KIZ: variants seen among roughly 807,000 people sequenced by gnomAD.
The protein encoded by KIZ is kizuna centrosomal protein.
Under a neutral mutation model 79.6 loss-of-function variants are expected in KIZ, and 68 were observed. The observed-to-expected ratio is 0.85, with a 90% CI of 0.70 to 1.05. The LOEUF (loss-of-function observed/expected upper bound fraction) is 1.05. Among genes scored for constraint, KIZ ranks in the 50% least tolerant of loss-of-function variants. KIZ has a pLI of 0.00. For synonymous variants in KIZ, 280 were observed against 281.8 expected, an observed-to-expected ratio of 0.99 and a Z score of 0.06; for missense variants, 797 against 800.4, an observed-to-expected ratio of 1.00 and a Z score of 0.05.
chr20:21,201,226 G>T (rs2035585575), intron 6 of KIZ, among the ~76,000 whole-genome samples: 1 of 151,984 alleles, frequency 6.6e-6, no homozygotes, highest in Non-Finnish European at 1.5e-5. Context: ...ATTATCATGT[G>T]GAAGACCAAG....
chr20:21,136,153 T>TA (rs1378666367), intron 2 of KIZ, among the ~76,000 whole-genome samples: 1 of 152,178 alleles, frequency 6.6e-6, no homozygotes, highest in Non-Finnish European at 1.5e-5. Context: ...AATGTGGTCT[T>TA]ATATATATTT....
At chr20:21,161,379 T>C (rs1384266520) in intron 4 of KIZ, among the ~76,000 whole-genome samples, 1 of 152,228 alleles carries the variant, frequency 6.6e-6, no homozygotes. Flanking sequence ...GTCTCCAGGC[T>C]GGAGTGCAGT....
At chr20:21,135,865 A>T (rs888133937) in intron 2 of KIZ, among the ~76,000 whole-genome samples, 2 of 152,220 alleles carry the variant, frequency 1.3e-5, no homozygotes, top group Non-Finnish European at 2.9e-5. Context: ...ATATTTTAAT[A>T]GTGAATTATA....
intron 12 of KIZ, chr20:21,244,549 C>T: frequency 2.0e-6 from 1 of 498,310 alleles, no homozygotes; most frequent in Non-Finnish European, 3.5e-6. Context: ...TCCTGGCCTC[C>T]ATGTCTAATT....
intron 9 of KIZ, among the ~76,000 whole-genome samples, chr20:21,225,166 CCCTTG>C (rs140361931): frequency 0.021 from 3,264 of 152,226 alleles, 101 homozygotes; most frequent in African/African-American, 0.07. Context: ...GAGATGGCCC[CCCTTG>C]CCTTGCCTTA....
intron 6 of KIZ, among the ~76,000 whole-genome samples, chr20:21,164,706 C>T (rs1054766419): frequency 6.3e-5 from 7 of 110,912 alleles, no homozygotes; most frequent in Admixed American, 9.4e-5. Flanking sequence ...TGTCTCCATT[C>T]GAATGACTTT....
At chr20:21,211,714 G>A (rs1052153567) in intron 7 of KIZ, among the ~76,000 whole-genome samples, 6 of 152,176 alleles carry the variant, frequency 3.9e-5, no homozygotes, top group Non-Finnish European at 5.9e-5. Context: ...TCAGATTGGA[G>A]GTTTCCTTAG....
At chr20:21,224,043 G>A (rs2036584814) in intron 9 of KIZ, among the ~76,000 whole-genome samples, 1 of 151,784 alleles carries the variant, frequency 6.6e-6, no homozygotes, top group South Asian at 2.1e-4. Flanking sequence ...GCCCAGGCTG[G>A]AGTGCAATGG....
At chr20:21,171,337 CAG>C (rs2034196515) in intron 6 of KIZ, among the ~76,000 whole-genome samples, 1 of 152,140 alleles carries the variant, frequency 6.6e-6, no homozygotes, top group South Asian at 2.1e-4. Context: ...AGTCCTTTAT[CAG>C]GGGGATAGTG....
chr20:21,179,713 TTC>T (rs1421048000), intron 6 of KIZ, among the ~76,000 whole-genome samples: 1 of 152,192 alleles, frequency 6.6e-6, no homozygotes, highest in Non-Finnish European at 1.5e-5. Flanking sequence ...TGCTATAAAC[TTC>T]TCTCTTATAC....
At chr20:21,228,502 A>T (rs2123419910) in intron 9 of KIZ, among the ~76,000 whole-genome samples, 1 of 152,196 alleles carries the variant, frequency 6.6e-6, no homozygotes, top group South Asian at 2.1e-4. Flanking sequence ...CCATGGCAAG[A>T]CTTGGTTAGA....
Position 21,163,101 on chromosome 20 carries a change from C to T in KIZ, c.1294C>T (p.Gln432Ter). 2 of 1,613,658 alleles carry T rather than the reference C, an allele frequency of 1.2e-6. No individual in the cohort carries two copies. Among genetic ancestry groups the T allele is most frequent in the Non-Finnish European group, 1.7e-6 (2 of 1,179,612 alleles). The change falls in exon 6 of 13, where the codon CAA becomes TAA. Residue 432 changes from glutamine to a stop codon, truncating the protein, a stop_gained. Transcript: ENST00000619189. LOFTEE classifies it high-confidence loss of function. Reference protein sequence around the residue: ...ALSTEKNCILQTLSSPDSEKE... With the variant: ...ALSTEKNCIL ...ATCCACTGAAAAAAATTGTATTTTGCAAACCCTAAGCTCTCCTGATTCAGA... is the reference window on the plus strand; with the variant it reads ...ATCCACTGAAAAAAATTGTATTTTGTAAACCCTAAGCTCTCCTGATTCAGA...
At chr20:21,149,574 C>T (rs1049071799) in intron 4 of KIZ, among the ~76,000 whole-genome samples, 6 of 152,324 alleles carry the variant, frequency 3.9e-5, no homozygotes, top group East Asian at 1.9e-4. Context: ...GCTTTAGCCA[C>T]GGATCTGAGC....
At chr20:21,152,333 G>T (rs539964193) in intron 4 of KIZ, among the ~76,000 whole-genome samples, 17 of 152,304 alleles carry the variant, frequency 1.1e-4, no homozygotes, top group African/African-American at 4.1e-4. Context: ...TGAGCAGGTG[G>T]TTAGTTCATT....
At chr20:21,236,776 C>G (rs2037020076) in intron 11 of KIZ, among the ~76,000 whole-genome samples, 1 of 152,020 alleles carries the variant, frequency 6.6e-6, no homozygotes, top group Non-Finnish European at 1.5e-5. Context: ...AGGCAGATCA[C>G]TTGAGGTCAG....
At chr20:21,243,380 A>C (rs1335450100) in intron 11 of KIZ, among the ~76,000 whole-genome samples, 4 of 152,156 alleles carry the variant, frequency 2.6e-5, no homozygotes, top group African/African-American at 9.7e-5. Flanking sequence ...CCCAAAGGGA[A>C]GGAAAAGATA....
chr20:21,205,760 A>G (rs1018117541), intron 7 of KIZ, among the ~76,000 whole-genome samples, 176 bp downstream of exon 7: 9 of 152,110 alleles, frequency 5.9e-5, no homozygotes, highest in Non-Finnish European at 1.2e-4. Flanking sequence ...CAAGAGATCG[A>G]GACCATTCTG....
intron 9 of KIZ, among the ~76,000 whole-genome samples, chr20:21,220,530 C>T (rs1034043437): frequency 6.6e-6 from 1 of 152,146 alleles, no homozygotes. Flanking sequence ...ATCACCCAGG[C>T]TGGAGTGCGG....
At chr20:21,193,342 G>T (rs184866795) in intron 6 of KIZ, among the ~76,000 whole-genome samples, 9 of 152,270 alleles carry the variant, frequency 5.9e-5, no homozygotes, top group Non-Finnish European at 1.5e-5. Context: ...TTAAGGAAAA[G>T]TTTATTTTCT....
Sources: gnomAD v4.1 joint callset for allele counts (sites outside exome capture counted in the v4.1 genomes callset) on GRCh38, gnomAD v4.1.1 for gene constraint, MANE v1.5 for transcripts, NCBI Gene and HGNC (gene_info 2026-07-23, HGNC 2026-07-21) for gene names.